Variants in ACLY observed in about 807,000 individuals in gnomAD.
The protein encoded by ACLY is ATP citrate lyase.
A neutral mutation model predicts 133.0 loss-of-function variants in ACLY; 41 were observed. That is an observed-to-expected ratio of 0.31 (90% CI 0.24 to 0.40). The LOEUF (loss-of-function observed/expected upper bound fraction) is 0.40, where lower values mean the gene tolerates loss of function less well. ACLY is among the 10% of genes least tolerant of loss of function. The probability of loss-of-function intolerance (pLI) is 1.00; values close to 1 mark genes in which losing one functional copy is unlikely to be tolerated. For missense variants in ACLY, 1,046 were observed against 1,453.8 expected (o/e 0.72, Z 4.56); for synonymous variants, 495 against 549.3 (o/e 0.90, Z 1.38).
chr17:41,913,686 G>T, intron 2 of ACLY, 29 bp downstream of exon 2: 1 of 1,609,002 alleles, frequency 6.2e-7, no homozygotes, highest in Non-Finnish European at 8.5e-7. Flanking sequence ...GGGCCTGGAA[G>T]AAAGGCCCAA....
intron 18 of ACLY, 58 bp from the exon 19 acceptor site, chr17:41,884,332 T>C (rs2048995841): frequency 8.5e-7 from 1 of 1,181,126 alleles, no homozygotes. Context: ...GGGAAGTGTG[T>C]ACAGGGTTAG....
chr17:41,884,379 G>A (rs2048996721), intron 18 of ACLY, 105 bp from the exon 19 acceptor site: 2 of 742,606 alleles, frequency 2.7e-6, no homozygotes, highest in Admixed American at 2.2e-5. Flanking sequence ...GATTTTGGGG[G>A]GATGTGGATG....
intron 20 of ACLY, among the ~76,000 whole-genome samples, chr17:41,882,352 G>A (rs1312608520): frequency 2.1e-5 from 2 of 94,644 alleles, no homozygotes; most frequent in Non-Finnish European, 3.9e-5. Context: ...GGGCGACAGA[G>A]TGAGACCCTG....
chr17:41,879,402 GC>G (rs1198176039), intron 20 of ACLY, among the ~76,000 whole-genome samples: 15 of 143,186 alleles, frequency 1.0e-4, no homozygotes, highest in Middle Eastern at 3.8e-3. Context: ...CACCACGCCT[GC>G]CCCCCCCGCC....
Position 41,906,620 on chromosome 17 carries a change from G to A in ACLY, c.774C>T (p.Ala258=), listed in dbSNP as rs1555632726. 2 of 1,614,170 alleles carry A rather than the reference G, an allele frequency of 1.2e-6. No individual in the cohort carries two copies. Among genetic ancestry groups the A allele is most frequent in the Admixed American group, 3.3e-5 (2 of 60,012 alleles). Residue 258 remains alanine (A), a synonymous_variant, in exon 8 of 29, where the codon GCC becomes GCT. Transcript: ENST00000352035. ...TCAGCTTCAGGCTTGCCCCACTTTT[G>A]GCATCGAGGTCTGCAATGTAGGCTT... The part of the protein sequence containing the change: ...PEEAYIADLD[A]KSGASLKLTL...
chr17:41,906,400 G>A, intron 8 of ACLY, 128 bp downstream of exon 8: 1 of 767,288 alleles, frequency 1.3e-6, no homozygotes, highest in Non-Finnish European at 2.2e-6. Flanking sequence ...AAGCCCTCTG[G>A]GATGCCACTG....
chr17:41,915,856 G>A (rs2050038125), intron 1 of ACLY, among the ~76,000 whole-genome samples: 1 of 152,144 alleles, frequency 6.6e-6, no homozygotes, highest in African/African-American at 2.4e-5. Flanking sequence ...CACTCAGAGA[G>A]GAGGGGGCAG....
intron 20 of ACLY, among the ~76,000 whole-genome samples, chr17:41,880,156 T>C (rs563535511): frequency 9.8e-4 from 150 of 152,346 alleles, no homozygotes; most frequent in African/African-American, 3.3e-3. Flanking sequence ...AACACTATGT[T>C]CAGGCACTTT....
At position 41,878,788 on chromosome 17, in the gene ACLY, T is replaced by G. The variant is rs1555626620; in HGVS notation, c.2393+9A>C. The G allele has an allele frequency of 2.5e-6, 4 of 1,613,030 alleles. No individual in the cohort carries two copies. The South Asian group carries it at 4.4e-5, about 18-fold the overall frequency. The stretch of plus-strand genomic sequence containing the variant: ...GGGGAGGCCGGCATCCTCCCCAAGG[T>G]CCACTTACTGGATGATCTCTCCAAG... On this transcript the variant is annotated intron_variant, in intron 21 of 28. Coordinates refer to ENST00000352035, the MANE Select transcript of ACLY (RefSeq NM_001096.3).
chr17:41,877,090 C>T (rs905913179), intron 22 of ACLY, among the ~76,000 whole-genome samples: 27 of 152,152 alleles, frequency 1.8e-4, no homozygotes, highest in Admixed American at 1.4e-3. Flanking sequence ...AAATGCTTTA[C>T]AGTTACATTT....
At chr17:41,921,086 A>G (rs1271500997), upstream of ACLY, among the ~76,000 whole-genome samples, 1 of 150,600 alleles carries the variant, frequency 6.6e-6, no homozygotes, top group Non-Finnish European at 1.5e-5. Context: ...AGATCGCACC[A>G]GTGCACTCTA....
intron 1 of ACLY, 43 bp downstream of exon 1, chr17:41,918,837 G>A (rs2050126407): frequency 1.6e-6 from 2 of 1,284,602 alleles, no homozygotes; most frequent in Admixed American, 2.3e-5. Context: ...AAGCTCCTAG[G>A]GCGAGCGGGC....
At chr17:41,868,127 A>AAAAAT (rs1176078371) in intron 28 of ACLY, among the ~76,000 whole-genome samples, 1 of 152,182 alleles carries the variant, frequency 6.6e-6, no homozygotes, top group African/African-American at 2.4e-5. Context: ...TTTAAAGGGA[A>AAAAAT]AAAATAAAAT....
chr17:41,868,623 A>AAAAAAC, intron 28 of ACLY, 86 bp downstream of exon 28: 1 of 838,860 alleles, frequency 1.2e-6, no homozygotes. Flanking sequence ...AAAGAAAGAA[A>AAAAAAC]AAGAAACTCA....
Position 41,879,302 on chromosome 17 carries a change from C to T in ACLY, c.2266-378G>A, listed in dbSNP as rs560912271. Among the ~76,000 whole-genome samples, 219 of 151,756 alleles carry T rather than the reference C, an allele frequency of 1.4e-3. 1 individual carries two copies. The highest frequency in any genetic ancestry group is 2.5e-3 in the Non-Finnish European group (172 of 67,958). ...TGTATTTTTAGTAGAGATGGGGTTT[C>T]ACTATGTTGGCCAGGCTGGTCTCGA... On this transcript the variant is annotated intron_variant, in intron 20 of 28. Transcript: ENST00000352035.
In ACLY at chr17:41,911,863, C is replaced by T. The variant is rs574130210; in HGVS notation, c.282+557G>A. On this transcript the variant is annotated intron_variant, in intron 3 of 28. Coordinates refer to ENST00000352035, the MANE Select transcript of ACLY (RefSeq NM_001096.3). ...GGCGCAGTGGCTCATGCCTATAATC[C>T]CAGCACTTTGGGAAGCCGAGGCAGG... 3.1e-4 allele frequency among the ~76,000 whole-genome samples: 47 copies of T among 151,898 alleles called. 1 individual carries two copies. Among genetic ancestry groups the T allele is most frequent in the Admixed American group, 2.5e-3 (38 of 15,242 alleles).
intron 16 of ACLY, among the ~76,000 whole-genome samples, chr17:41,892,003 T>C (rs11869983): frequency 0.037 from 5,560 of 152,242 alleles, 362 homozygotes; most frequent in African/African-American, 0.13. Flanking sequence ...GTCCCAGGCC[T>C]GAGCAGCCTC....
At chr17:41,878,701 C>A in intron 21 of ACLY, 96 bp downstream of exon 21, 1 of 1,470,772 alleles carries the variant, frequency 6.8e-7, no homozygotes, top group South Asian at 1.2e-5. Flanking sequence ...CGAGAGGGAC[C>A]AGGAATACAT....
At chr17:41,916,211 A>G (rs1480712129) in intron 1 of ACLY, among the ~76,000 whole-genome samples, 6 of 152,152 alleles carry the variant, frequency 3.9e-5, no homozygotes, top group African/African-American at 1.2e-4. Flanking sequence ...TGGCTTAGAG[A>G]CGGGAGGTTG....
Sources: allele counts gnomAD v4.1 joint callset (sites outside exome capture counted in the v4.1 genomes callset), GRCh38; gene constraint gnomAD v4.1.1; transcripts MANE v1.5; gene names NCBI Gene and HGNC (gene_info 2026-07-23, HGNC 2026-07-21).